Variants in RYR1 observed in about 807,000 individuals in gnomAD.
The protein encoded by RYR1 is central core disease of muscle.
Under a neutral mutation model 583.5 loss-of-function variants are expected in RYR1, and 342 were observed. The observed-to-expected ratio is 0.59, with a 90% CI of 0.54 to 0.64. The LOEUF is 0.64. Ranked by LOEUF, RYR1 falls within the 30% of genes least tolerant of loss-of-function variation. The probability of loss-of-function intolerance (pLI) is 0.00; values close to 1 mark genes in which losing one functional copy is unlikely to be tolerated. For synonymous variants in RYR1, 2,791 were observed against 2,822.5 expected (o/e 0.99, Z 0.35); for missense variants, 6,032 against 6,917.2 (o/e 0.87, Z 4.54).
chr19:38,469,910 T>TA (rs368587030), intron 27 of RYR1, among the ~76,000 whole-genome samples: 73 of 146,268 alleles, frequency 5.0e-4, no homozygotes, highest in African/African-American at 1.2e-3. Context: ...CTACAAAAAA[T>TA]AAAAAAAAAA....
chr19:38,572,119 C>T lies in RYR1; in HGVS notation c.13847C>T (p.Ala4616Val), dbSNP rs59468283. 2 of 1,614,056 alleles carry T rather than the reference C, an allele frequency of 1.2e-6. No homozygotes were observed. The highest frequency in any genetic ancestry group is 2.2e-5 in the South Asian group (2 of 91,086). The part of the protein sequence containing the change: ...SGGSSGWGLG[A>V]GEEAEGDEDE... ...GGCAGCTCTGGCTGGGGCTTGGGGGCCGGAGAGGAGGCAGAGGGCGATGAG... is the reference window on the plus strand; with the variant it reads ...GGCAGCTCTGGCTGGGGCTTGGGGGTCGGAGAGGAGGCAGAGGGCGATGAG... The change falls in exon 95 of 106, where the codon GCC (alanine) becomes GTC (valine). Residue 4616 changes from alanine to valine, a missense_variant. This residue lies in a region of RYR1 where 188 missense variants were observed against 215.6 expected (regional missense o/e 0.87). Transcript: ENST00000359596.
chr19:38,438,784 A>T (rs1373209327), intron 1 of RYR1, among the ~76,000 whole-genome samples: 1 of 151,246 alleles, frequency 6.6e-6, no homozygotes, highest in African/African-American at 2.4e-5. Context: ...ACACCCGGCT[A>T]ATTTTTTGTA....
intron 76 of RYR1, 118 bp from the exon 77 acceptor site, chr19:38,532,372 C>G: frequency 2.0e-6 from 2 of 994,520 alleles, no homozygotes; most frequent in South Asian, 2.7e-5. Context: ...ATCTGCCTGC[C>G]TCAGCCTCCC....
Position 38,567,896 on chromosome 19 carries a change from G to A in RYR1, c.13638G>A (p.Glu4546=). Residue 4546 remains glutamate, a synonymous_variant, in exon 93 of 106, where the codon GAG becomes GAA. Transcript: ENST00000359596. ...EAGGEFWGEL[E]VQRVKFLNYL... ...GAGGCGAATTCTGGGGAGAACTGGA[G>A]GTGCAGAGGGTGAAGTTCCTGGTAA... 6.2e-7 allele frequency: 1 copy of A among 1,613,694 alleles called. No individual in the cohort carries two copies. Among genetic ancestry groups the A allele is most frequent in the Non-Finnish European group, 8.5e-7 (1 of 1,179,992 alleles).
rs775643457 is a variant in RYR1 at position 38,490,122 on chromosome 19, G to A, written c.5861G>A (p.Arg1954His). 1.1e-5 allele frequency: 18 copies of A among 1,614,078 alleles called. No individual in the cohort carries two copies. Among genetic ancestry groups the A allele is most frequent in the African/African-American group, 2.7e-5 (2 of 74,944 alleles). Residue 1954 changes from arginine (R) to histidine (H), a missense_variant, in exon 36 of 106, where the codon CGT becomes CAT. Physicochemically the swap from Arg to His is conservative, Grantham distance 29. Transcript: ENST00000359596. ...EYFCDQELQH[R>H]VESLAAFAER... is the part of the protein sequence containing the mutation. ...TTCTGTGACCAAGAGCTGCAGCACCGTGTGGAGTCCCTGGCAGCCTTTGCG... is the reference window on the plus strand; with the variant it reads ...TTCTGTGACCAAGAGCTGCAGCACCATGTGGAGTCCCTGGCAGCCTTTGCG...
chr19:38,562,759 C>G (rs928248333), intron 90 of RYR1, among the ~76,000 whole-genome samples: 2 of 152,204 alleles, frequency 1.3e-5, no homozygotes, highest in African/African-American at 4.8e-5. Flanking sequence ...GCACACCTGC[C>G]CCGTGTGCCC....
Position 38,565,701 on chromosome 19 carries a change from A to G in RYR1, c.13367A>G (p.Asp4456Gly). The G allele has an allele frequency of 7.0e-7, 1 of 1,420,288 alleles. No homozygotes were observed. Among genetic ancestry groups the G allele is most frequent in the Non-Finnish European group, 9.1e-7 (1 of 1,095,756 alleles). 88.0% of individuals were successfully genotyped at this position (1,420,288 alleles called of 1,614,324 possible). A position where few individuals can be genotyped will look rare whatever the true frequency, so the allele number is the denominator to read the frequency against. The change falls in exon 91 of 106, where the codon GAC (aspartate) becomes GGC (glycine). Residue 4456 changes from aspartate (D) to glycine (G), a missense_variant. By Grantham distance (94) the Asp-to-Gly change is moderately conservative. Around this residue, in one of 11 missense-constraint regions of RYR1, gnomAD observed 753 missense variants for 759.6 expected, o/e 0.99. Transcript: ENST00000359596. The surrounding 1 kb of genome is among the most constrained non-coding windows in gnomAD (Gnocchi z 4.7). ...CCCGAAGGGGCTGGCGGTCTCGGGG[A>G]CATGGGGGACACGACGCCTGCGGAA... Reference protein sequence around the residue: ...FRPEGAGGLGDMGDTTPAEPP... With the variant: ...FRPEGAGGLGGMGDTTPAEPP...
intron 65 of RYR1, 122 bp from the exon 66 acceptor site, chr19:38,517,237 T>C: frequency 1.0e-6 from 1 of 1,001,782 alleles, no homozygotes; most frequent in South Asian, 1.4e-5. Context: ...AAGAATAGGG[T>C]TTGGGAGACT....
At chr19:38,528,097 C>T (rs1334843278) in intron 73 of RYR1, 1 of 639,260 alleles carries the variant, frequency 1.6e-6, no homozygotes, top group South Asian at 1.8e-5. Context: ...GCTCGTGGTC[C>T]TGGCTCTGTG....
chr19:38,484,919 T>A (rs1466904711), intron 33 of RYR1, among the ~76,000 whole-genome samples: 1 of 151,698 alleles, frequency 6.6e-6, no homozygotes, highest in Admixed American at 6.6e-5. Context: ...GCTGCAGAGC[T>A]AGGATCGCAC....
At position 38,490,185 on chromosome 19, in the gene RYR1, G is replaced by A. The variant is rs1969488865; in HGVS notation, c.5924G>A (p.Ser1975Asn). The A allele has an allele frequency of 1.2e-6, 2 of 1,614,108 alleles. No individual in the cohort carries two copies. Among genetic ancestry groups the A allele is most frequent in the Non-Finnish European group, 1.7e-6 (2 of 1,180,048 alleles). ...GACAAGCTCCAGGCCAACCAGCGGA[G>A]CCGCTATGGCCTCCTCATAAAAGCC... ...YVDKLQANQRSRYGLLIKAFS... is the reference protein window; with the variant it reads ...YVDKLQANQRNRYGLLIKAFS... Residue 1975 changes from serine to asparagine, a missense_variant, in exon 36 of 106, where the codon AGC becomes AAC. Physicochemically the swap from Ser to Asn is conservative, Grantham distance 46 (BLOSUM62 1). Around this residue, in one of 11 missense-constraint regions of RYR1, gnomAD observed 2,627 missense variants for 2,961.3 expected, o/e 0.89. Coordinates refer to ENST00000359596, the MANE Select transcript of RYR1 (RefSeq NM_000540.3).
rs1968291237 is a variant in RYR1, at chr19:38,469,289, C to T, written c.3557-16C>T. ...CCACCTGCCCTCACCCCTGCCCATC[C>T]ATCCCCTCCCACCAGGCTTCCTGCC... On this transcript the variant is annotated splice_polypyrimidine_tract_variant and intron_variant, in intron 26 of 105. Transcript: ENST00000359596. The T allele has an allele frequency of 3.1e-6, 5 of 1,613,534 alleles. No individual in the cohort carries two copies. The South Asian group carries it at 3.3e-5, about 11-fold the overall frequency.
At position 38,485,894 on chromosome 19, in the gene RYR1, T is replaced by C; in HGVS notation, c.5239T>C (p.Phe1747Leu). ...GCCTGAGACCCGCGCCATCACGCTC[T>C]TCCCTCCTGGAAGGAGCACAGAAAA... ...LTPETRAITL[F>L]PPGRSTENGH... The change falls in exon 34 of 106, where the codon TTC (phenylalanine) becomes CTC (leucine). Residue 1747 changes from phenylalanine (F) to leucine (L), a missense_variant. Around this residue, in one of 11 missense-constraint regions of RYR1, gnomAD observed 2,627 missense variants for 2,961.3 expected, o/e 0.89. Transcript: ENST00000359596. The C allele has an allele frequency of 6.2e-7, 1 of 1,613,752 alleles. No individual in the cohort carries two copies. The highest frequency in any genetic ancestry group is 8.5e-7 in the Non-Finnish European group (1 of 1,179,962).
chr19:38,549,598 G>A (rs1002607457), intron 89 of RYR1, among the ~76,000 whole-genome samples: 23 of 151,090 alleles, frequency 1.5e-4, no homozygotes, highest in Admixed American at 1.2e-3. Flanking sequence ...TTATAGAGAC[G>A]TTGCAAGAAC....
intron 82 of RYR1, 151 bp downstream of exon 82, chr19:38,536,221 C>G: frequency 1.5e-6 from 1 of 682,326 alleles, no homozygotes; most frequent in South Asian, 1.7e-5. Flanking sequence ...GCTGTGGTCC[C>G]CCAGTCCCAC....
At chr19:38,576,726 G>T (rs1692087337) in intron 97 of RYR1, among the ~76,000 whole-genome samples, 1 of 151,974 alleles carries the variant, frequency 6.6e-6, no homozygotes, top group Non-Finnish European at 1.5e-5. Context: ...CTTGAACCCG[G>T]GCGGCAGAGG....
chr19:38,508,462 C>T (rs184641728), intron 58 of RYR1, among the ~76,000 whole-genome samples: 24 of 152,318 alleles, frequency 1.6e-4, no homozygotes, highest in African/African-American at 4.1e-4. Flanking sequence ...TCTGCCGCCT[C>T]GGCCTCCCAA....
chr19:38,534,202 G>T (rs923041575), intron 78 of RYR1, among the ~76,000 whole-genome samples: 1 of 151,724 alleles, frequency 6.6e-6, no homozygotes, highest in Non-Finnish European at 1.5e-5. Flanking sequence ...TAGTAGAGGC[G>T]GGGTTTCACT....
At position 38,523,918 on chromosome 19, in the gene RYR1, G is replaced by C. The variant is rs1971340043; in HGVS notation, c.10444G>C (p.Gly3482Arg). ...TGTCTGCGGTCCGGTGAAGCAGGCG[G>C]GAGATATACAGGTCAGCCCCACATC... is the stretch of plus-strand genomic sequence containing the variant. ...ADNKSKMAKA[G>R]DIQSGGSDQE... Residue 3482 changes from glycine to arginine, a missense_variant, in exon 70 of 106, where the codon GGA becomes CGA. Physicochemically the swap from Gly to Arg is moderately radical, Grantham distance 125. This residue lies in a region of RYR1 where 1,493 missense variants were observed against 1,715.5 expected (regional missense o/e 0.87). Transcript: ENST00000359596. 1.2e-6 allele frequency: 2 copies of C among 1,613,926 alleles called. No individual in the cohort carries two copies. The highest frequency in any genetic ancestry group is 1.7e-6 in the Non-Finnish European group (2 of 1,179,982).
Sources: allele counts gnomAD v4.1 joint callset (sites outside exome capture counted in the v4.1 genomes callset), GRCh38; gene constraint gnomAD v4.1.1; regional missense constraint gnomAD v4.1.1; non-coding constraint Gnocchi (gnomAD v3.1); transcripts MANE v1.5; gene names NCBI Gene and HGNC (gene_info 2026-07-23, HGNC 2026-07-21).